CHL1: variants seen among roughly 807,000 people sequenced by gnomAD.
CHL1 encodes the protein neural cell adhesion molecule L1-like protein.
In CHL1, 96 loss-of-function variants were observed where a neutral mutation model predicts 141.9. The ratio of observed to expected loss-of-function variants is 0.68; its 90% CI spans 0.57 to 0.80. CHL1 has a LOEUF of 0.80. CHL1 is among the 30% of genes least tolerant of loss of function. The pLI, the probability that CHL1 is intolerant of heterozygous loss-of-function variation, is 0.00. For synonymous variants in CHL1, 613 were observed against 502.2 expected (o/e 1.22, Z -2.95); for missense variants, 1,820 against 1,457.2 (o/e 1.25, Z -4.05).
At chr3:307,495 T>C (rs975867436) in intron 2 of CHL1, among the ~76,000 whole-genome samples, 3 of 152,292 alleles carry the variant, frequency 2.0e-5, no homozygotes, top group East Asian at 3.9e-4. Context: ...ATTGGAGTCA[T>C]AGGAAAAAAC....
At chr3:263,117 G>C (rs368036263) in intron 2 of CHL1, among the ~76,000 whole-genome samples, 1 of 152,270 alleles carries the variant, frequency 6.6e-6, no homozygotes, top group African/African-American at 2.4e-5. Flanking sequence ...TGCTAAATAA[G>C]TTGCACTCAA....
chr3:281,612 T>C (rs1187375857), intron 2 of CHL1, among the ~76,000 whole-genome samples: 1 of 151,036 alleles, frequency 6.6e-6, no homozygotes, highest in East Asian at 2.0e-4. Flanking sequence ...CAGGCTGGAA[T>C]GCAGTGGCAC....
rs575202422 is a variant in CHL1 at position 359,616 on chromosome 3, T to C, written c.1166-668T>C. 6.6e-5 allele frequency among the ~76,000 whole-genome samples: 10 copies of C among 152,272 alleles called. No individual in the cohort carries two copies. In the East Asian group the frequency reaches 1.9e-3, roughly 29 times the overall value. On this transcript the variant is annotated intron_variant, in intron 11 of 27. Transcript: ENST00000256509. ...CCATGCCCAGCCTCATGTTAGGTATTCTCATTTCCAAAAGATATTCCCAGA... is the reference window on the plus strand; with the variant it reads ...CCATGCCCAGCCTCATGTTAGGTATCCTCATTTCCAAAAGATATTCCCAGA...
chr3:295,581 A>T (rs551051208), intron 2 of CHL1, among the ~76,000 whole-genome samples: 1 of 152,238 alleles, frequency 6.6e-6, no homozygotes, highest in South Asian at 2.1e-4. Flanking sequence ...TTCTGTTCTT[A>T]GTCATCCATC....
Position 405,727 on chromosome 3 carries a change from G to A in CHL1, c.*16G>A. 1.3e-6 allele frequency: 2 copies of A among 1,581,868 alleles called. No individual in the cohort carries two copies. Among genetic ancestry groups the A allele is most frequent in the Non-Finnish European group, 1.7e-6 (2 of 1,151,210 alleles). On this transcript the variant is annotated 3_prime_UTR_variant, in exon 28 of 28. Coordinates refer to ENST00000256509, the MANE Select transcript of CHL1 (RefSeq NM_006614.4). ...TCGGGCATAAACACAACATATGTAAGCAACGCTACTGGTTCACCCCAACCT... is the reference window on the plus strand; with the variant it reads ...TCGGGCATAAACACAACATATGTAAACAACGCTACTGGTTCACCCCAACCT...
intron 10 of CHL1, among the ~76,000 whole-genome samples, chr3:352,188 T>C (rs1435139867): frequency 3.3e-5 from 5 of 152,148 alleles, no homozygotes; most frequent in Non-Finnish European, 7.4e-5. Context: ...ACTTGAGAAA[T>C]CCTTGTTTTC....
At chr3:401,892 A>T (rs1709170713) in intron 27 of CHL1, among the ~76,000 whole-genome samples, 194 bp downstream of exon 27, 1 of 152,222 alleles carries the variant, frequency 6.6e-6, no homozygotes, top group African/African-American at 2.4e-5. Context: ...GAGGGTGTAT[A>T]AATAATTACC....
intron 5 of CHL1, among the ~76,000 whole-genome samples, chr3:339,381 C>A (rs1273243299): frequency 2.0e-5 from 3 of 152,170 alleles, no homozygotes; most frequent in African/African-American, 7.2e-5. Context: ...AACATACTTT[C>A]CCGACTTTTG....
intron 2 of CHL1, among the ~76,000 whole-genome samples, chr3:263,123 C>G (rs1694870644): frequency 6.6e-6 from 1 of 152,150 alleles, no homozygotes; most frequent in Admixed American, 6.6e-5. Flanking sequence ...ATAAGTTGCA[C>G]TCAACTGAAA....
At chr3:335,696 C>A (rs1701810613) in intron 5 of CHL1, among the ~76,000 whole-genome samples, 1 of 152,194 alleles carries the variant, frequency 6.6e-6, no homozygotes, top group African/African-American at 2.4e-5. Flanking sequence ...ATTCAATAAA[C>A]ACATCATATG....
intron 16 of CHL1, 148 bp downstream of exon 16, chr3:378,090 A>G (rs1706567120): frequency 3.5e-6 from 2 of 573,132 alleles, no homozygotes; most frequent in Non-Finnish European, 5.5e-6. Flanking sequence ...ACACAACTTC[A>G]AATCCTTTCT....
chr3:391,148 C>T lies in CHL1; in HGVS notation c.2780C>T (p.Thr927Ile). The change falls in exon 22 of 28, where the codon ACA becomes ATA. Residue 927 changes from threonine (T) to isoleucine (I), a missense_variant. Coordinates refer to ENST00000256509, the MANE Select transcript of CHL1 (RefSeq NM_006614.4). ...GPESEPYIFQ[T>I]PEGVPEQPTF... ...GAAAGTGAGCCTTATATATTTCAAA[C>T]ACCAGAAGGAGGTGAGAGGATAATG... 6.2e-7 allele frequency: 1 copy of T among 1,609,286 alleles called. No homozygotes were observed. Among genetic ancestry groups the T allele is most frequent in the Non-Finnish European group, 8.5e-7 (1 of 1,175,720 alleles).
intron 8 of CHL1, among the ~76,000 whole-genome samples, chr3:343,916 A>G (rs908669289): frequency 7.9e-5 from 12 of 152,222 alleles, no homozygotes; most frequent in African/African-American, 2.2e-4. Context: ...AGTATAGAAG[A>G]CTGTCTACTG....
At chr3:395,744 A>G (rs1708616387) in intron 24 of CHL1, among the ~76,000 whole-genome samples, 1 of 152,252 alleles carries the variant, frequency 6.6e-6, no homozygotes, top group African/African-American at 2.4e-5. Context: ...TAGTAATGGC[A>G]AAGGCCGCAC....
At chr3:307,340 T>G (rs931926505) in intron 2 of CHL1, among the ~76,000 whole-genome samples, 2 of 152,194 alleles carry the variant, frequency 1.3e-5, no homozygotes, top group Admixed American at 6.5e-5. Context: ...AAACGTACAC[T>G]TCACAGAATT....
At position 383,844 on chromosome 3, in the gene CHL1, G is replaced by A. The variant is rs1421351572; in HGVS notation, c.2205G>A (p.Arg735=). The change falls in exon 19 of 28, where the codon AGG becomes AGA. Residue 735 remains arginine, a synonymous_variant. Coordinates refer to ENST00000256509, the MANE Select transcript of CHL1 (RefSeq NM_006614.4). The part of the protein sequence containing the change: ...AAPDRNPQNI[R]VQASQPKEMI... ...CAGATAGGAATCCACAAAACATAAGGGTTCAAGCCTCTCAACCCAAGGAAA... is the reference window on the plus strand; with the variant it reads ...CAGATAGGAATCCACAAAACATAAGAGTTCAAGCCTCTCAACCCAAGGAAA... The A allele has an allele frequency of 2.8e-5, 45 of 1,610,074 alleles. No individual in the cohort carries two copies. Among genetic ancestry groups the A allele is most frequent in the Non-Finnish European group, 3.7e-5 (44 of 1,177,778 alleles).
intron 2 of CHL1, among the ~76,000 whole-genome samples, chr3:316,465 A>G (rs1700159748): frequency 6.6e-6 from 1 of 151,826 alleles, no homozygotes. Flanking sequence ...AGTGGTTGGC[A>G]GGGATGTTTT....
At position 323,385 on chromosome 3, in the gene CHL1, A is replaced by G. The variant is rs6801327; in HGVS notation, c.92-2574A>G. Among the ~76,000 whole-genome samples, 1,170 of 152,266 alleles carry G rather than the reference A, an allele frequency of 7.7e-3. 7 individuals are homozygous for G. Among genetic ancestry groups the G allele is most frequent in the Non-Finnish European group, 0.012 (840 of 67,998 alleles). ...TTTTTGATATTCTATAATGAAATGC[A>G]TCAATGTTTGGAAGACACAAAATTC... On this transcript the variant is annotated intron_variant, in intron 3 of 27. Coordinates refer to ENST00000256509, the MANE Select transcript of CHL1 (RefSeq NM_006614.4).
At position 250,568 on chromosome 3, in the gene CHL1, G is replaced by T. The variant is rs540392582; in HGVS notation, c.-95+5876G>T. On this transcript the variant is annotated intron_variant, in intron 2 of 27. Coordinates refer to ENST00000256509, the MANE Select transcript of CHL1 (RefSeq NM_006614.4). ...CTCCTGGTACAGCAGTGGGAACGGGGAAGACCCTCACAAAAGGAAGTGTAT... is the reference window on the plus strand; with the variant it reads ...CTCCTGGTACAGCAGTGGGAACGGGTAAGACCCTCACAAAAGGAAGTGTAT... Among the ~76,000 whole-genome samples the T allele has an allele frequency of 2.6e-5, 4 of 152,180 alleles. No homozygotes were observed. The South Asian group carries it at 6.2e-4, about 24-fold the overall frequency.
Sources: allele counts gnomAD v4.1 joint callset (sites outside exome capture counted in the v4.1 genomes callset), GRCh38; gene constraint gnomAD v4.1.1; transcripts MANE v1.5; gene names NCBI Gene and HGNC (gene_info 2026-07-23, HGNC 2026-07-21).